Variants in F13A1 observed in about 807,000 individuals in gnomAD.
The protein encoded by F13A1 is FSF, A subunit.
F13A1 carries 47 observed loss-of-function variants against 80.1 expected under a neutral mutation model. The ratio of observed to expected loss-of-function variants is 0.59; its 90% confidence interval spans 0.46 to 0.75. The LOEUF is 0.75. Among genes scored for constraint, F13A1 ranks in the 30% least tolerant of loss-of-function variants. The probability of loss-of-function intolerance (pLI) is 0.00; values close to 1 mark genes in which losing one functional copy is unlikely to be tolerated. For synonymous variants in F13A1, 349 were observed against 344.9 expected (o/e 1.01, Z -0.13); for missense variants, 817 against 930.4 (o/e 0.88, Z 1.59).
At chr6:6,315,575 A>G (rs546119430) in intron 2 of F13A1, among the ~76,000 whole-genome samples, 1 of 152,130 alleles carries the variant, frequency 6.6e-6, no homozygotes, top group Non-Finnish European at 1.5e-5. Context: ...CGTTATATAC[A>G]CTCAGTATAC....
At chr6:6,212,386 G>C (rs1037173376) in intron 8 of F13A1, among the ~76,000 whole-genome samples, 23 of 140,814 alleles carry the variant, frequency 1.6e-4, no homozygotes, top group African/African-American at 5.7e-4. Context: ...CCCCCAAGCA[G>C]CCTAACTGGG....
At chr6:6,232,363 T>C (rs568761753) in intron 6 of F13A1, among the ~76,000 whole-genome samples, 1 of 152,238 alleles carries the variant, frequency 6.6e-6, no homozygotes, top group African/African-American at 2.4e-5. Context: ...AAGAGGGACA[T>C]TATATAATGG....
chr6:6,264,213 G>C (rs1021968894), intron 4 of F13A1, among the ~76,000 whole-genome samples: 2 of 152,194 alleles, frequency 1.3e-5, no homozygotes, highest in Non-Finnish European at 2.9e-5. Context: ...CCGTCAAGAA[G>C]AGTGGTCACA....
chr6:6,213,696 A>G (rs796893751), intron 8 of F13A1, among the ~76,000 whole-genome samples: 564 of 150,128 alleles, frequency 3.8e-3, no homozygotes, highest in Middle Eastern at 0.019. Context: ...TTTAAAGGTA[A>G]ATGGACTAAA....
chr6:6,273,765 G>A (rs1054129482), intron 3 of F13A1, among the ~76,000 whole-genome samples: 31 of 152,338 alleles, frequency 2.0e-4, no homozygotes, highest in Admixed American at 1.8e-3. Flanking sequence ...TGTGAATACA[G>A]TTGCTTTGGA....
intron 6 of F13A1, among the ~76,000 whole-genome samples, 194 bp from the exon 7 acceptor site, chr6:6,225,054 C>G (rs1484665646): frequency 6.6e-6 from 1 of 152,166 alleles, no homozygotes; most frequent in Non-Finnish European, 1.5e-5. Flanking sequence ...CAAGAGGAGA[C>G]CAAGTAACCA....
chr6:6,289,039 G>A (rs1163384898), intron 3 of F13A1, among the ~76,000 whole-genome samples: 1 of 152,090 alleles, frequency 6.6e-6, no homozygotes, highest in Non-Finnish European at 1.5e-5. Context: ...TTTTTAATAA[G>A]TTTTATTTCT....
chr6:6,269,442 T>TA (rs1029842053), intron 3 of F13A1, among the ~76,000 whole-genome samples: 12 of 151,308 alleles, frequency 7.9e-5, no homozygotes, highest in African/African-American at 2.9e-4. Flanking sequence ...CATCCCAAAC[T>TA]AAAAAACCTT....
intron 13 of F13A1, among the ~76,000 whole-genome samples, chr6:6,160,275 T>TA (rs375144806): frequency 0.51 from 71,401 of 140,474 alleles, 18,504 homozygotes; most frequent in African/African-American, 0.68. Context: ...AGACTCCATC[T>TA]AAAAAAAAAA....
At chr6:6,227,539 TA>T (rs1757294121) in intron 6 of F13A1, among the ~76,000 whole-genome samples, 1 of 152,216 alleles carries the variant, frequency 6.6e-6, no homozygotes, top group Non-Finnish European at 1.5e-5. Flanking sequence ...ATTGATTATT[TA>T]AAAATCTGTA....
chr6:6,195,711 C>G, intron 10 of F13A1, 86 bp downstream of exon 10: 1 of 1,289,992 alleles, frequency 7.8e-7, no homozygotes, highest in South Asian at 1.3e-5. Flanking sequence ...ACCTGGAAAA[C>G]TTAGAAACAA....
chr6:6,311,886 C>A (rs1758606523), intron 2 of F13A1, among the ~76,000 whole-genome samples: 2 of 144,176 alleles, frequency 1.4e-5, no homozygotes, highest in South Asian at 2.2e-4. Flanking sequence ...AACTATAAAC[C>A]CATGAGTTTG....
At chr6:6,260,595 T>C (rs977968034) in intron 4 of F13A1, among the ~76,000 whole-genome samples, 1 of 152,104 alleles carries the variant, frequency 6.6e-6, no homozygotes, top group African/African-American at 2.4e-5. Flanking sequence ...TGTGTGTGTG[T>C]TGGGGGGAGC....
intron 6 of F13A1, among the ~76,000 whole-genome samples, chr6:6,231,481 C>A (rs188097730): frequency 2.6e-4 from 39 of 152,022 alleles, no homozygotes; most frequent in African/African-American, 8.9e-4. Flanking sequence ...GAAGAGAATT[C>A]TGAAAGCTTG....
chr6:6,313,280 CTTTT>C (rs5874027), intron 2 of F13A1, among the ~76,000 whole-genome samples: 1 of 126,784 alleles, frequency 7.9e-6, no homozygotes, highest in Non-Finnish European at 1.6e-5. Context: ...GCTAAGCCGC[CTTTT>C]TTTTTTTTTT....
At chr6:6,283,675 T>C (rs1156477170) in intron 3 of F13A1, among the ~76,000 whole-genome samples, 1 of 152,218 alleles carries the variant, frequency 6.6e-6, no homozygotes, top group South Asian at 2.1e-4. Context: ...GTCCTTCCTT[T>C]TTTTTTTCCA....
chr6:6,254,431 T>C (rs1757677497), intron 4 of F13A1, among the ~76,000 whole-genome samples: 1 of 152,028 alleles, frequency 6.6e-6, no homozygotes, highest in Non-Finnish European at 1.5e-5. Flanking sequence ...GATATGACCA[T>C]ACCAAGCAGC....
chr6:6,259,122 G>A (rs778765428), intron 4 of F13A1, among the ~76,000 whole-genome samples: 7 of 152,176 alleles, frequency 4.6e-5, no homozygotes, highest in South Asian at 4.1e-4. Context: ...CTGTCGTACT[G>A]TGCACAGGTC....
chr6:6,317,854 G>T (rs1758706859), intron 2 of F13A1, among the ~76,000 whole-genome samples: 4 of 152,202 alleles, frequency 2.6e-5, no homozygotes, highest in Admixed American at 2.6e-4. Flanking sequence ...TGGCCCAGGG[G>T]AATGATGTCT....
Sources: allele counts gnomAD v4.1 joint callset (sites outside exome capture counted in the v4.1 genomes callset), GRCh38; gene constraint gnomAD v4.1.1; transcripts MANE v1.5; gene names NCBI Gene and HGNC (gene_info 2026-07-23, HGNC 2026-07-21).